ELAVL2: variants seen among roughly 807,000 people sequenced by gnomAD.
The protein encoded by ELAVL2 is ELAV like RNA binding protein 2, also known as ELAV-like protein 2.
ELAVL2 carries 4 observed loss-of-function variants against 34.6 expected under a neutral mutation model. The observed-to-expected ratio is 0.12, with a 90% CI of 0.06 to 0.26. The LOEUF (loss-of-function observed/expected upper bound fraction) is 0.26, where lower values mean the gene tolerates loss of function less well. Ranked by LOEUF, ELAVL2 falls within the 10% of genes least tolerant of loss-of-function variation. The pLI is 1.00. For missense variants in ELAVL2, 432 were observed against 442.8 expected, an observed-to-expected ratio of 0.98 and a Z score of 0.22; for synonymous variants, 193 against 154.8, an observed-to-expected ratio of 1.25 and a Z score of -1.83.
intron 1 of ELAVL2, among the ~76,000 whole-genome samples, chr9:23,796,753 C>G (rs1404740982): frequency 1.3e-5 from 2 of 151,996 alleles, no homozygotes; most frequent in African/African-American, 2.4e-5. Context: ...TTTTTCAAAA[C>G]AGAGTAATAT....
intron 1 of ELAVL2, among the ~76,000 whole-genome samples, chr9:23,774,426 T>C (rs768211123): frequency 1.4e-4 from 21 of 152,208 alleles, no homozygotes; most frequent in Middle Eastern, 6.8e-3. Flanking sequence ...TGTTAATTCC[T>C]GTCCTGGACT....
At chr9:23,850,468 G>T in the ELAVL2 span, among the ~76,000 whole-genome samples, 1 of 152,222 alleles carries the variant, frequency 6.6e-6, no homozygotes, top group Admixed American at 6.5e-5. Context: ...CAGCTGCTAG[G>T]ATCCTTGCCG....
At chr9:23,824,172 C>A (rs2065134052) in intron 1 of ELAVL2, among the ~76,000 whole-genome samples, 1 of 152,220 alleles carries the variant, frequency 6.6e-6, no homozygotes, top group Non-Finnish European at 1.5e-5. Flanking sequence ...AATACCCAGT[C>A]TCGCCATCAG....
chr9:23,822,525 C>G (rs1237491131), intron 1 of ELAVL2, among the ~76,000 whole-genome samples: 2 of 152,166 alleles, frequency 1.3e-5, no homozygotes, highest in Non-Finnish European at 2.9e-5. Flanking sequence ...CTTGCCTTGG[C>G]CCGCCCCTTC....
chr9:23,781,166 G>T (rs1454034246), intron 1 of ELAVL2, among the ~76,000 whole-genome samples: 2 of 152,148 alleles, frequency 1.3e-5, no homozygotes, highest in East Asian at 3.9e-4. Flanking sequence ...ACAGATAAAA[G>T]AATGGCTTAT....
intron 3 of ELAVL2, among the ~76,000 whole-genome samples, chr9:23,707,384 CT>C (rs567668425): frequency 1.4e-4 from 22 of 152,026 alleles, no homozygotes; most frequent in Non-Finnish European, 2.8e-4. Context: ...GATTCTATGG[CT>C]TTTTTTTCCA....
chr9:23,808,889 T>C (rs2062600369), intron 1 of ELAVL2, among the ~76,000 whole-genome samples: 1 of 152,174 alleles, frequency 6.6e-6, no homozygotes, highest in Admixed American at 6.6e-5. Flanking sequence ...TTAATGCTTC[T>C]GAATTCCATA....
intron 1 of ELAVL2, among the ~76,000 whole-genome samples, chr9:23,802,216 G>A (rs550479682): frequency 2.0e-5 from 3 of 152,184 alleles, no homozygotes; most frequent in East Asian, 3.9e-4. Context: ...ACCTTCCAAC[G>A]TGCTCCAAGT....
At chr9:23,702,406 G>T (rs1172273824) in intron 4 of ELAVL2, among the ~76,000 whole-genome samples, 1 of 152,076 alleles carries the variant, frequency 6.6e-6, no homozygotes, top group Admixed American at 6.6e-5. Context: ...AATGGGAAAG[G>T]ATAGCCAAGA....
chr9:23,806,554 T>C (rs959144884), intron 1 of ELAVL2, among the ~76,000 whole-genome samples: 18 of 151,896 alleles, frequency 1.2e-4, no homozygotes, highest in Non-Finnish European at 2.5e-4. Context: ...GGAGGATCCC[T>C]AAAAGCCCAG....
intron 3 of ELAVL2, among the ~76,000 whole-genome samples, chr9:23,715,570 G>A (rs2042082881): frequency 6.6e-6 from 1 of 152,182 alleles, no homozygotes; most frequent in Non-Finnish European, 1.5e-5. Context: ...CAGAAAATCA[G>A]ATATATTCAT....
At chr9:23,766,816 C>T (rs935230583) in intron 1 of ELAVL2, among the ~76,000 whole-genome samples, 2 of 152,064 alleles carry the variant, frequency 1.3e-5, no homozygotes, top group Non-Finnish European at 2.9e-5. Context: ...TAAGGACAGG[C>T]AATTCTGCTC....
At chr9:23,739,810 CCACT>C (rs1554701710) in intron 2 of ELAVL2, among the ~76,000 whole-genome samples, 3 of 152,070 alleles carry the variant, frequency 2.0e-5, no homozygotes, top group Non-Finnish European at 4.4e-5. Context: ...CACACCCCCC[CCACT>C]AAGCAGTCCA....
At chr9:23,693,750 G>A (rs1337324514) in intron 5 of ELAVL2, among the ~76,000 whole-genome samples, 4 of 152,200 alleles carry the variant, frequency 2.6e-5, no homozygotes. Flanking sequence ...CAGAGAGGAA[G>A]TGCGAAAGCT....
chr9:23,692,661 T>C lies in ELAVL2; in HGVS notation c.976A>G (p.Asn326Asp). 2 of 1,614,190 alleles carry C rather than the reference T, an allele frequency of 1.2e-6. No individual in the cohort carries two copies. Among genetic ancestry groups the C allele is most frequent in the Non-Finnish European group, 1.7e-6 (2 of 1,180,002 alleles). ...ATCGCCATGGCAGCCTCATCATAGT[T>C]TGTCATAGTCACAAATCCAAAACCT... Reference protein sequence around the residue: ...CKGFGFVTMTNYDEAAMAIAS... With the variant: ...CKGFGFVTMTDYDEAAMAIAS... Residue 326 changes from asparagine (N) to aspartate (D), a missense_variant, in exon 7 of 7, where the codon AAC (asparagine) becomes GAC (aspartate). Coordinates refer to ENST00000397312, the MANE Select transcript of ELAVL2 (RefSeq NM_004432.5).
chr9:23,797,130 G>T (rs1488635892), intron 1 of ELAVL2, among the ~76,000 whole-genome samples: 2 of 152,118 alleles, frequency 1.3e-5, no homozygotes, highest in Admixed American at 1.3e-4. Flanking sequence ...GTCCTGAGCA[G>T]CTAACAACAG....
chr9:23,784,444 T>A (rs2059443636), intron 1 of ELAVL2, among the ~76,000 whole-genome samples: 1 of 152,170 alleles, frequency 6.6e-6, no homozygotes, highest in Admixed American at 6.5e-5. Context: ...TGACTACATA[T>A]ATGTAATACT....
chr9:23,739,186 A>G (rs748147299), intron 2 of ELAVL2, among the ~76,000 whole-genome samples: 3 of 152,168 alleles, frequency 2.0e-5, no homozygotes, highest in Non-Finnish European at 4.4e-5. Context: ...AACCCACAGG[A>G]TGAGACTCTA....
chr9:23,723,952 C>T (rs1021417661), intron 3 of ELAVL2, among the ~76,000 whole-genome samples: 7 of 152,112 alleles, frequency 4.6e-5, no homozygotes, highest in African/African-American at 1.7e-4. Flanking sequence ...TTCCCCCTAC[C>T]TTACACAGAA....
Sources: allele counts gnomAD v4.1 joint callset (sites outside exome capture counted in the v4.1 genomes callset), GRCh38; gene constraint gnomAD v4.1.1; transcripts MANE v1.5; gene names NCBI Gene and HGNC (gene_info 2026-07-23, HGNC 2026-07-21).